The following HYAL4 variants were observed in gnomAD, a reference collection of about 807,000 sequenced individuals.
HYAL4 encodes hyaluronidase-4.
In HYAL4, 37 loss-of-function variants were observed where a neutral mutation model predicts 35.2. The ratio of observed to expected loss-of-function variants is 1.05; its 90% CI spans 0.81 to 1.38. The LOEUF (loss-of-function observed/expected upper bound fraction) is 1.38. Ranked by LOEUF, HYAL4 falls within the 40% of genes most tolerant of loss-of-function variation. The pLI is 0.00. For missense variants in HYAL4, 572 were observed against 572.4 expected, an observed-to-expected ratio of 1.00 and a Z score of 0.01; for synonymous variants, 198 against 203.2, an observed-to-expected ratio of 0.97 and a Z score of 0.22.
intron 1 of HYAL4, among the ~76,000 whole-genome samples, chr7:123,833,042 T>C (rs1309253639): frequency 2.0e-5 from 3 of 152,216 alleles, no homozygotes; most frequent in South Asian, 4.1e-4. Context: ...CAATTGTGAA[T>C]TGTGCTCCTC....
chr7:123,830,294 T>G (rs1399665531), intron 1 of HYAL4, among the ~76,000 whole-genome samples: 1 of 152,204 alleles, frequency 6.6e-6, no homozygotes, highest in Non-Finnish European at 1.5e-5. Context: ...AATCAAAATT[T>G]AAACTCTTCC....
At chr7:123,815,165 G>A in the HYAL4 span, 1 of 152,464 alleles carries the variant, frequency 6.6e-6, no homozygotes, top group Admixed American at 6.6e-5. Context: ...TATTAAACAT[G>A]TATATTTCTT....
chr7:123,782,842 A>G, the HYAL4 span, among the ~76,000 whole-genome samples: 1 of 152,280 alleles, frequency 6.6e-6, no homozygotes, highest in African/African-American at 2.4e-5. Flanking sequence ...TTATTTCATT[A>G]TTGAAACTCC....
chr7:123,869,641 C>T (rs1232499546), intron 3 of HYAL4, among the ~76,000 whole-genome samples: 1 of 149,442 alleles, frequency 6.7e-6, no homozygotes, highest in Non-Finnish European at 1.5e-5. Context: ...GCCACTTAAA[C>T]AAAAAAATTC....
upstream of HYAL4, among the ~76,000 whole-genome samples, chr7:123,843,044 A>G (rs1250830036): frequency 2.0e-5 from 3 of 151,938 alleles, no homozygotes; most frequent in Non-Finnish European, 1.5e-5. Flanking sequence ...TGTCATTATG[A>G]TGTTAGCTTG....
chr7:123,771,615 A>T, the HYAL4 span, among the ~76,000 whole-genome samples: 1 of 152,054 alleles, frequency 6.6e-6, no homozygotes, highest in Non-Finnish European at 1.5e-5. Flanking sequence ...AGTTGTTATG[A>T]TATTTTGGCA....
At chr7:123,850,713 A>G (rs920458552) in intron 2 of HYAL4, among the ~76,000 whole-genome samples, 1 of 152,136 alleles carries the variant, frequency 6.6e-6, no homozygotes, top group Non-Finnish European at 1.5e-5. Context: ...AAAAATCTAA[A>G]TCTCATTCTT....
At chr7:123,766,200 G>A in the HYAL4 span, among the ~76,000 whole-genome samples, 1 of 152,074 alleles carries the variant, frequency 6.6e-6, no homozygotes, top group Non-Finnish European at 1.5e-5. Flanking sequence ...TACCTATTAT[G>A]AAAGGTTCCT....
chr7:123,818,176 C>CAGTT, the HYAL4 span, among the ~76,000 whole-genome samples: 3 of 152,208 alleles, frequency 2.0e-5, no homozygotes, highest in African/African-American at 7.2e-5. Context: ...TGCACCTGAC[C>CAGTT]AGTTGTCTTA....
At chr7:123,764,821 G>T in the HYAL4 span, among the ~76,000 whole-genome samples, 1 of 152,166 alleles carries the variant, frequency 6.6e-6, no homozygotes, top group South Asian at 2.1e-4. Context: ...TTCATTGGAA[G>T]ATCTTTTGCC....
intron 3 of HYAL4, among the ~76,000 whole-genome samples, chr7:123,874,187 C>T (rs1180812954): frequency 6.6e-6 from 1 of 152,176 alleles, no homozygotes; most frequent in Non-Finnish European, 1.5e-5. Flanking sequence ...TTTACAGCCT[C>T]ATTGCCTTCA....
chr7:123,788,075 T>C, the HYAL4 span, among the ~76,000 whole-genome samples: 1 of 152,180 alleles, frequency 6.6e-6, no homozygotes, highest in African/African-American at 2.4e-5. Flanking sequence ...CCCAGCACTT[T>C]GTGCAGCCAA....
chr7:123,796,729 A>G, the HYAL4 span, among the ~76,000 whole-genome samples: 2 of 152,226 alleles, frequency 1.3e-5, no homozygotes, highest in Admixed American at 6.5e-5. Context: ...TGTAGTATAT[A>G]TATACAATGG....
the HYAL4 span, among the ~76,000 whole-genome samples, chr7:123,787,264 A>G: frequency 6.6e-5 from 10 of 152,078 alleles, no homozygotes; most frequent in East Asian, 3.9e-4. Context: ...GGGGCATTAT[A>G]TAGTTATCCC....
the HYAL4 span, among the ~76,000 whole-genome samples, chr7:123,818,694 T>C: frequency 6.6e-6 from 1 of 152,212 alleles, no homozygotes; most frequent in South Asian, 2.1e-4. Flanking sequence ...CAAATAAATC[T>C]AAGAATCCAA....
the HYAL4 span, among the ~76,000 whole-genome samples, chr7:123,788,118 G>A: frequency 1.8e-4 from 28 of 152,150 alleles, no homozygotes; most frequent in Admixed American, 1.8e-3. Flanking sequence ...TGGAGTTCGA[G>A]ACTAGCCTGG....
intron 2 of HYAL4, among the ~76,000 whole-genome samples, chr7:123,850,284 C>T (rs748473718): frequency 8.5e-5 from 13 of 152,156 alleles, no homozygotes; most frequent in African/African-American, 3.1e-4. Flanking sequence ...CTCTGTCACT[C>T]AGGATGGAGT....
chr7:123,812,176 T>C, the HYAL4 span, among the ~76,000 whole-genome samples: 1 of 152,130 alleles, frequency 6.6e-6, no homozygotes, highest in African/African-American at 2.4e-5. Flanking sequence ...GGAATTATGT[T>C]GCTTTCCCCA....
intron 2 of HYAL4, among the ~76,000 whole-genome samples, chr7:123,857,733 C>CTTTCTTT (rs1198587826): frequency 6.9e-6 from 1 of 144,182 alleles, no homozygotes; most frequent in African/African-American, 2.6e-5. Context: ...TTCTTTCTTT[C>CTTTCTTT]AATAGAAACA....
Sources: gnomAD v4.1 joint callset for allele counts (sites outside exome capture counted in the v4.1 genomes callset) on GRCh38, gnomAD v4.1.1 for gene constraint, MANE v1.5 for transcripts, NCBI Gene and HGNC (gene_info 2026-07-23, HGNC 2026-07-21) for gene names.